Variants in ATF7IP observed in about 807,000 individuals in gnomAD.
ATF7IP encodes the protein activating transcription factor 7-interacting protein 1.
A neutral mutation model predicts 106.4 loss-of-function variants in ATF7IP; 23 were observed. The observed-to-expected ratio is 0.22, with a 90% confidence interval of 0.16 to 0.31. The LOEUF (loss-of-function observed/expected upper bound fraction) is 0.31. Ranked by LOEUF, ATF7IP falls within the 10% of genes least tolerant of loss-of-function variation. The pLI is 1.00. For missense variants in ATF7IP, 1,334 were observed against 1,524.3 expected, an observed-to-expected ratio of 0.88 and a Z score of 2.08; for synonymous variants, 542 against 539.0, an observed-to-expected ratio of 1.01 and a Z score of -0.08.
intron 9 of ATF7IP, among the ~76,000 whole-genome samples, chr12:14,461,611 A>C (rs1348155513): frequency 6.6e-6 from 1 of 152,190 alleles, no homozygotes; most frequent in Non-Finnish European, 1.5e-5. Flanking sequence ...CACATTTGCT[A>C]TAAAATGTTT....
intron 1 of ATF7IP, among the ~76,000 whole-genome samples, chr12:14,398,963 A>G (rs1178191222): frequency 6.6e-6 from 1 of 152,046 alleles, no homozygotes; most frequent in Non-Finnish European, 1.5e-5. Flanking sequence ...GAAACCCATC[A>G]GGTTTTTCCC....
At chr12:14,435,897 C>G (rs1302232840) in intron 3 of ATF7IP, among the ~76,000 whole-genome samples, 1 of 152,152 alleles carries the variant, frequency 6.6e-6, no homozygotes, top group Non-Finnish European at 1.5e-5. Flanking sequence ...ATTGCTTGAC[C>G]ATTAGGGAGT....
chr12:14,378,640 C>T (rs1326245322), intron 1 of ATF7IP, among the ~76,000 whole-genome samples: 2 of 152,114 alleles, frequency 1.3e-5, no homozygotes, highest in Non-Finnish European at 2.9e-5. Flanking sequence ...TTCATTTAGT[C>T]TTAGGTAATT....
At chr12:14,378,280 T>G (rs915763654) in intron 1 of ATF7IP, among the ~76,000 whole-genome samples, 1 of 151,810 alleles carries the variant, frequency 6.6e-6, no homozygotes, top group Non-Finnish European at 1.5e-5. Context: ...GTATTTTAAG[T>G]AGAGATGGAG....
chr12:14,401,772 C>T (rs1469378155), intron 1 of ATF7IP, among the ~76,000 whole-genome samples: 17 of 129,538 alleles, frequency 1.3e-4, no homozygotes, highest in East Asian at 2.3e-4. Context: ...GGCTGGAGTG[C>T]GATGGCGCTG....
At position 14,501,575 on chromosome 12, in the gene ATF7IP, G is replaced by C. The variant is rs556490631; in HGVS notation, c.*3502G>C. ...TGGACTCATTTTTAAAAAATATGCC[G>C]AATACTGCATACTGTTTAAGGTAGT... On this transcript the variant is annotated 3_prime_UTR_variant, in exon 15 of 15. Transcript: ENST00000261168. 1 of 152,022 alleles carries C rather than the reference G, an allele frequency of 6.6e-6. No individual in the cohort carries two copies. Among genetic ancestry groups the C allele is most frequent in the Non-Finnish European group, 1.5e-5 (1 of 67,994 alleles). 9.4% of individuals were successfully genotyped at this position (152,022 alleles called of 1,614,324 possible).
intron 10 of ATF7IP, among the ~76,000 whole-genome samples, chr12:14,467,200 T>C (rs930783601): frequency 1.1e-4 from 17 of 152,156 alleles, no homozygotes; most frequent in African/African-American, 3.9e-4. Flanking sequence ...GATTAGATTG[T>C]TGATAGTTTT....
chr12:14,368,584 T>C (rs932133844), intron 1 of ATF7IP, among the ~76,000 whole-genome samples: 1 of 152,184 alleles, frequency 6.6e-6, no homozygotes, highest in Non-Finnish European at 1.5e-5. Flanking sequence ...CAAAGGACTT[T>C]TAAAGTAATT....
At chr12:14,400,321 T>G (rs1458175873) in intron 1 of ATF7IP, among the ~76,000 whole-genome samples, 1 of 152,226 alleles carries the variant, frequency 6.6e-6, no homozygotes, top group African/African-American at 2.4e-5. Flanking sequence ...ATTTATTGAC[T>G]GCTTACAGTA....
At chr12:14,487,486 A>G (rs1452494922) in intron 13 of ATF7IP, among the ~76,000 whole-genome samples, 2 of 152,202 alleles carry the variant, frequency 1.3e-5, no homozygotes, top group Non-Finnish European at 2.9e-5. Flanking sequence ...CTGTTGCCTC[A>G]CATATCACAG....
At chr12:14,386,129 T>G (rs1939227264) in intron 1 of ATF7IP, among the ~76,000 whole-genome samples, 1 of 152,164 alleles carries the variant, frequency 6.6e-6, no homozygotes, top group African/African-American at 2.4e-5. Context: ...GCTGAAGTAC[T>G]CAGTTAATTA....
rs578169235 is a variant in ATF7IP, at chr12:14,376,302, T to C, written c.-8+10475T>C. Among the ~76,000 whole-genome samples the C allele has an allele frequency of 5.3e-5, 8 of 152,332 alleles. No individual in the cohort carries two copies. In the South Asian group the frequency reaches 8.3e-4, roughly 16 times the overall value. ...TACTCAAAATTGAGACAAAGTATCA[T>C]TTTTCATCCATAGCCCTTCCTTGAA... On this transcript the variant is annotated intron_variant, in intron 1 of 14. Coordinates refer to ENST00000261168, the MANE Select transcript of ATF7IP (RefSeq NM_018179.5).
chr12:14,410,575 A>T (rs1040055723), intron 1 of ATF7IP, among the ~76,000 whole-genome samples: 7 of 152,156 alleles, frequency 4.6e-5, no homozygotes, highest in African/African-American at 1.7e-4. Context: ...AAGTGAAAAG[A>T]TTAAAATTTT....
intron 1 of ATF7IP, chr12:14,367,362 A>G (rs1366167529): frequency 6.6e-6 from 1 of 152,084 alleles, no homozygotes; most frequent in Non-Finnish European, 1.5e-5. Context: ...GGTAGGAAAG[A>G]TTCTTCTTTT....
intron 1 of ATF7IP, among the ~76,000 whole-genome samples, chr12:14,375,393 T>C (rs1230170211): frequency 1.3e-5 from 2 of 152,110 alleles, no homozygotes; most frequent in South Asian, 2.1e-4. Context: ...GTTTCTAAAA[T>C]ATGACTGTGA....
chr12:14,478,128 T>C (rs145686266), intron 11 of ATF7IP, among the ~76,000 whole-genome samples, 189 bp from the exon 12 acceptor site: 25 of 152,276 alleles, frequency 1.6e-4, no homozygotes, highest in African/African-American at 5.8e-4. Context: ...CACCAGCAAA[T>C]TACATATGCT....
chr12:14,469,933 T>C (rs192806380), intron 10 of ATF7IP, among the ~76,000 whole-genome samples: 32 of 152,318 alleles, frequency 2.1e-4, no homozygotes, highest in Middle Eastern at 6.8e-3. Flanking sequence ...TCTCAGGGTC[T>C]GAGGTTTTTT....
intron 9 of ATF7IP, among the ~76,000 whole-genome samples, chr12:14,463,920 A>G (rs1363033840): frequency 2.0e-5 from 3 of 152,232 alleles, no homozygotes; most frequent in Admixed American, 2.0e-4. Flanking sequence ...TTACTAAACT[A>G]GATATTAAAA....
In ATF7IP at chr12:14,478,491, T is replaced by C; in HGVS notation, c.3097+19T>C. 6.2e-7 allele frequency: 1 copy of C among 1,613,314 alleles called. No individual in the cohort carries two copies. ...CCTACAGGTAAATTTGTTGAATCAT[T>C]GAGTAGAAGCTTTGGTTTTGCCTGT... On this transcript the variant is annotated intron_variant, in intron 12 of 14. Coordinates refer to ENST00000261168, the MANE Select transcript of ATF7IP (RefSeq NM_018179.5).
Sources: gnomAD v4.1 joint callset for allele counts (sites outside exome capture counted in the v4.1 genomes callset) on GRCh38, gnomAD v4.1.1 for gene constraint, MANE v1.5 for transcripts, NCBI Gene and HGNC (gene_info 2026-07-23, HGNC 2026-07-21) for gene names.